Variants in CDH2 observed in about 807,000 individuals in gnomAD.
CDH2 encodes cadherin 2, also known as cadherin-2.
CDH2 carries 17 observed loss-of-function variants against 92.0 expected under a neutral mutation model. The ratio of observed to expected loss-of-function variants is 0.18; its 90% CI spans 0.13 to 0.28. The LOEUF is 0.28. Ranked by LOEUF, CDH2 falls within the 10% of genes least tolerant of loss-of-function variation. The probability of loss-of-function intolerance (pLI) is 1.00; values close to 1 mark genes in which losing one functional copy is unlikely to be tolerated. For missense variants in CDH2, 862 were observed against 1,133.1 expected, an observed-to-expected ratio of 0.76 and a Z score of 3.44; for synonymous variants, 419 against 415.9, an observed-to-expected ratio of 1.01 and a Z score of -0.09.
At chr18:28,010,814 T>C (rs947595393) in intron 4 of CDH2, among the ~76,000 whole-genome samples, 3 of 151,948 alleles carry the variant, frequency 2.0e-5, no homozygotes, top group African/African-American at 7.3e-5. Context: ...CACGCCCAGC[T>C]ATTTTTTTCT....
intron 2 of CDH2, among the ~76,000 whole-genome samples, chr18:28,122,293 C>T (rs552494253): frequency 5.9e-5 from 9 of 152,050 alleles, no homozygotes; most frequent in African/African-American, 1.4e-4. Context: ...TATCAAACAA[C>T]CCCCCTTTTT....
At chr18:28,052,882 C>A (rs1342341884) in intron 2 of CDH2, among the ~76,000 whole-genome samples, 1 of 152,168 alleles carries the variant, frequency 6.6e-6, no homozygotes, top group Non-Finnish European at 1.5e-5. Context: ...AAAATCTTAA[C>A]TCCTCAGTAC....
At chr18:27,985,477 C>A (rs1253763028) in intron 12 of CDH2, 51 bp downstream of exon 12, 5 of 1,223,462 alleles carry the variant, frequency 4.1e-6, no homozygotes, top group Admixed American at 4.1e-5. Context: ...TCATGCCAGG[C>A]TTCAAAATCT....
intron 2 of CDH2, among the ~76,000 whole-genome samples, chr18:28,083,766 T>C (rs1376328284): frequency 6.6e-6 from 1 of 152,206 alleles, no homozygotes; most frequent in Non-Finnish European, 1.5e-5. Context: ...ACTGAATTCA[T>C]GTTTTTCTGC....
chr18:28,164,644 G>C (rs2016352558), intron 1 of CDH2, among the ~76,000 whole-genome samples: 1 of 132,430 alleles, frequency 7.6e-6, no homozygotes. Flanking sequence ...TTCTAGCCTA[G>C]TCTCAAAACA....
At chr18:28,019,972 T>TAC (rs1408880950) in intron 2 of CDH2, among the ~76,000 whole-genome samples, 3 of 152,148 alleles carry the variant, frequency 2.0e-5, no homozygotes, top group African/African-American at 7.2e-5. Flanking sequence ...CCATGTATGG[T>TAC]ACCTGGCTCA....
intron 2 of CDH2, among the ~76,000 whole-genome samples, chr18:28,145,572 T>C (rs1330963593): frequency 6.6e-6 from 1 of 152,118 alleles, no homozygotes; most frequent in African/African-American, 2.4e-5. Context: ...TCCAAAAAGA[T>C]GTAAAAGGTA....
At chr18:28,075,995 T>C (rs2014711653) in intron 2 of CDH2, among the ~76,000 whole-genome samples, 1 of 152,178 alleles carries the variant, frequency 6.6e-6, no homozygotes, top group South Asian at 2.1e-4. Flanking sequence ...ATACGAGCTG[T>C]TGTTATTTGT....
At chr18:28,012,934 G>A (rs571869409) in intron 3 of CDH2, among the ~76,000 whole-genome samples, 2 of 152,208 alleles carry the variant, frequency 1.3e-5, no homozygotes, top group East Asian at 3.9e-4. Flanking sequence ...AAAAGTAGTA[G>A]TCATAGTTCC....
At chr18:28,139,473 G>A (rs980193129) in intron 2 of CDH2, among the ~76,000 whole-genome samples, 1 of 151,966 alleles carries the variant, frequency 6.6e-6, no homozygotes, top group Non-Finnish European at 1.5e-5. Context: ...CCACCTGACT[G>A]TTGAACACAC....
chr18:28,139,832 C>T (rs536724628), intron 2 of CDH2, among the ~76,000 whole-genome samples: 1 of 152,116 alleles, frequency 6.6e-6, no homozygotes, highest in African/African-American at 2.4e-5. Flanking sequence ...GATTTTATTA[C>T]CCTGTGTCAA....
chr18:28,058,716 T>G (rs1469162941), intron 2 of CDH2, among the ~76,000 whole-genome samples: 1 of 152,168 alleles, frequency 6.6e-6, no homozygotes, highest in African/African-American at 2.4e-5. Context: ...GTGTTAATAT[T>G]AGCAACATCC....
In CDH2 at chr18:28,095,791, T is replaced by C. The variant is rs1295331840; in HGVS notation, c.172+51882A>G. Among the ~76,000 whole-genome samples, 11 of 104,252 alleles carry C rather than the reference T, an allele frequency of 1.1e-4. No individual in the cohort carries two copies. In the South Asian group the frequency reaches 3.2e-3, roughly 31 times the overall value. The allele number at this position is 104,252 out of a possible 152,430, so 68.4% of individuals were successfully genotyped here. A position where few individuals can be genotyped will look rare whatever the true frequency, so the allele number is the denominator to read the frequency against. ...TGTGACTGTACTCCAGCCTGGGCAA[T>C]AGGATGCAACTCCATCAAAAAAAAA... On this transcript the variant is annotated intron_variant, in intron 2 of 15. Coordinates refer to ENST00000269141, the MANE Select transcript of CDH2 (RefSeq NM_001792.5).
chr18:27,937,227 C>T (rs1418127751), intron 6 of CDH2, among the ~76,000 whole-genome samples: 2 of 151,958 alleles, frequency 1.3e-5, no homozygotes, highest in Non-Finnish European at 2.9e-5. Flanking sequence ...AGGTAAAAAT[C>T]CATCTTTATG....
chr18:27,966,243 T>C (rs2143897533), intron 14 of CDH2, among the ~76,000 whole-genome samples: 1 of 152,262 alleles, frequency 6.6e-6, no homozygotes, highest in East Asian at 1.9e-4. Context: ...AAAAATGTTT[T>C]ATTAGAAGTC....
chr18:28,121,848 G>C (rs569268898), intron 2 of CDH2, among the ~76,000 whole-genome samples: 7 of 152,096 alleles, frequency 4.6e-5, no homozygotes, highest in African/African-American at 7.2e-5. Context: ...ACCCCAAGCA[G>C]CGAAGTGAGC....
At chr18:28,013,208 T>TAA (rs1204745673) in intron 3 of CDH2, among the ~76,000 whole-genome samples, 2 of 152,164 alleles carry the variant, frequency 1.3e-5, no homozygotes, top group Non-Finnish European at 2.9e-5. Flanking sequence ...ATATCATTCC[T>TAA]AAAAAGTCAT....
chr18:27,971,836 C>T (rs1021140781), intron 14 of CDH2, among the ~76,000 whole-genome samples: 10 of 152,148 alleles, frequency 6.6e-5, no homozygotes, highest in African/African-American at 2.2e-4. Context: ...ACAGTTATGT[C>T]CAGATTCAGC....
Position 27,998,804 on chromosome 18 carries a change from G to A in CDH2, c.1020+4193C>T, listed in dbSNP as rs545751515. On this transcript the variant is annotated intron_variant, in intron 7 of 15. Transcript: ENST00000269141. ...TGGCTAATTTTTTGTATTTTTAGTA[G>A]AGACAGGGTTTCGCCATGTGGCCCA... Among the ~76,000 whole-genome samples the A allele has an allele frequency of 1.5e-4, 23 of 152,242 alleles. No individual in the cohort carries two copies. In the East Asian group the frequency reaches 4.5e-3, roughly 30 times the overall value.
Sources: allele counts gnomAD v4.1 joint callset (sites outside exome capture counted in the v4.1 genomes callset), GRCh38; gene constraint gnomAD v4.1.1; transcripts MANE v1.5; gene names NCBI Gene and HGNC (gene_info 2026-07-23, HGNC 2026-07-21).